The following POU2F1 variants were observed in gnomAD, a reference collection of about 807,000 sequenced individuals.
POU2F1 encodes the protein POU class 2 homeobox 1.
In POU2F1, 16 loss-of-function variants were observed where a neutral mutation model predicts 84.9. That is an observed-to-expected ratio of 0.19 (90% CI 0.13 to 0.29). POU2F1 has a LOEUF of 0.29. Among genes scored for constraint, POU2F1 ranks in the 10% least tolerant of loss-of-function variants. The pLI is 1.00. For missense variants in POU2F1, 738 were observed against 942.6 expected (o/e 0.78, Z 2.84); for synonymous variants, 368 against 368.3 (o/e 1.00, Z 0.01).
intron 13 of POU2F1, among the ~76,000 whole-genome samples, chr1:167,411,088 G>A (rs1649930649): frequency 6.7e-6 from 1 of 150,232 alleles, no homozygotes; most frequent in African/African-American, 2.5e-5. Flanking sequence ...TCGCCAGGCT[G>A]GAGTGCAGTG....
At chr1:167,396,147 TG>T in intron 9 of POU2F1, 138 bp from the exon 10 acceptor site, 1 of 969,300 alleles carries the variant, frequency 1.0e-6, no homozygotes, top group Non-Finnish European at 1.6e-6. Flanking sequence ...GGAGTTTATG[TG>T]GGACCCCGTA....
intron 1 of POU2F1, among the ~76,000 whole-genome samples, chr1:167,291,531 AT>A (rs764418811): frequency 7.9e-5 from 12 of 152,250 alleles, no homozygotes; most frequent in Middle Eastern, 3.4e-3. Flanking sequence ...TATTGGGATT[AT>A]TTTAGTACAA....
intron 1 of POU2F1, among the ~76,000 whole-genome samples, chr1:167,290,339 G>A (rs758265490): frequency 1.3e-5 from 2 of 152,206 alleles, no homozygotes; most frequent in African/African-American, 2.4e-5. Flanking sequence ...TGAGCCTGCA[G>A]TGGGCAGTGA....
intron 11 of POU2F1, among the ~76,000 whole-genome samples, chr1:167,398,597 G>A (rs1648975172): frequency 6.6e-6 from 1 of 152,194 alleles, no homozygotes; most frequent in African/African-American, 2.4e-5. Flanking sequence ...GAGACCTTGA[G>A]TGTTAGGCTA....
At chr1:167,242,609 A>G (rs1180591813) in intron 1 of POU2F1, among the ~76,000 whole-genome samples, 2 of 152,246 alleles carry the variant, frequency 1.3e-5, no homozygotes, top group East Asian at 1.9e-4. Context: ...GCTTTCTTCC[A>G]TGGCATAATT....
chr1:167,287,808 A>G (rs751931778), intron 1 of POU2F1, among the ~76,000 whole-genome samples: 1 of 152,230 alleles, frequency 6.6e-6, no homozygotes, highest in Non-Finnish European at 1.5e-5. Context: ...TGAAACTCCA[A>G]GCGAGATAGG....
chr1:167,387,102 C>A (rs764747721), intron 8 of POU2F1: 1 of 453,312 alleles, frequency 2.2e-6, no homozygotes, highest in Non-Finnish European at 4.4e-6. Flanking sequence ...TCCTGGCCTC[C>A]GTTCTCTGCA....
intron 9 of POU2F1, among the ~76,000 whole-genome samples, chr1:167,393,239 G>T (rs1305568986): frequency 2.0e-5 from 3 of 152,100 alleles, no homozygotes; most frequent in African/African-American, 7.2e-5. Flanking sequence ...TTGTGAGTTG[G>T]ATTATCACGA....
chr1:167,273,132 T>C (rs1652487994), intron 1 of POU2F1, among the ~76,000 whole-genome samples: 1 of 152,202 alleles, frequency 6.6e-6, no homozygotes, highest in African/African-American at 2.4e-5. Flanking sequence ...AAATAATCTT[T>C]GACTCTATGT....
intron 1 of POU2F1, among the ~76,000 whole-genome samples, chr1:167,228,852 A>T (rs1474021399): frequency 6.6e-6 from 1 of 152,194 alleles, no homozygotes; most frequent in African/African-American, 2.4e-5. Context: ...GCACAGTGAT[A>T]ATGTCTGTAT....
At chr1:167,340,747 G>T (rs1011368833) in intron 2 of POU2F1, among the ~76,000 whole-genome samples, 1 of 151,952 alleles carries the variant, frequency 6.6e-6, no homozygotes, top group Non-Finnish European at 1.5e-5. Context: ...TTTTGTCTCC[G>T]ATGCGCAAGA....
intron 3 of POU2F1, among the ~76,000 whole-genome samples, chr1:167,368,365 A>G (rs1557932277): frequency 6.6e-6 from 1 of 151,784 alleles, no homozygotes; most frequent in African/African-American, 2.4e-5. Flanking sequence ...GCCGTATCAT[A>G]TTGCTTTGTC....
intron 1 of POU2F1, among the ~76,000 whole-genome samples, chr1:167,322,747 A>G (rs115157846): frequency 2.8e-4 from 42 of 152,316 alleles, no homozygotes; most frequent in African/African-American, 9.6e-4. Context: ...AGCTTTACCC[A>G]CATATTTATT....
At chr1:167,375,721 A>G (rs536818960) in intron 6 of POU2F1, among the ~76,000 whole-genome samples, 1 of 152,356 alleles carries the variant, frequency 6.6e-6, no homozygotes, top group East Asian at 1.9e-4. Context: ...TTTAAAACCC[A>G]TATTGGTCTT....
chr1:167,373,956 TC>T, intron 5 of POU2F1, 151 bp from the exon 6 acceptor site: 1 of 676,354 alleles, frequency 1.5e-6, no homozygotes, highest in South Asian at 1.7e-5. Context: ...GGTAGTTTGA[TC>T]ACTGATGAAC....
chr1:167,410,483 G>A (rs763324291), intron 13 of POU2F1, among the ~76,000 whole-genome samples: 1 of 151,778 alleles, frequency 6.6e-6, no homozygotes, highest in Non-Finnish European at 1.5e-5. Flanking sequence ...TCTGAAGCTT[G>A]GTAAAAGATT....
intron 13 of POU2F1, among the ~76,000 whole-genome samples, chr1:167,404,131 A>G (rs756458607): frequency 4.6e-5 from 7 of 152,188 alleles, no homozygotes; most frequent in Middle Eastern, 3.4e-3. Flanking sequence ...GCCTTCAGCA[A>G]GCATTTTCAA....
chr1:167,372,172 T>A, intron 5 of POU2F1, 136 bp downstream of exon 5: 4 of 1,090,868 alleles, frequency 3.7e-6, no homozygotes, highest in Non-Finnish European at 5.2e-6. Flanking sequence ...TTAAGGAACT[T>A]CCTACACTGT....
rs1209086663 is a variant in POU2F1, at chr1:167,426,181, TCTAAC to T, written c.*10374_*10378del. On this transcript the variant is annotated 3_prime_UTR_variant, in exon 16 of 16. Transcript: ENST00000367866. ...TACGATTACCCAGCACTTGCATTAG[TCTAAC>T]CTCAGTAATTCCAAAGCTTAGATGT... 1 of 152,138 alleles carries T rather than the reference TCTAAC, an allele frequency of 6.6e-6. No homozygotes were observed. Among genetic ancestry groups the T allele is most frequent in the Admixed American group, 6.5e-5 (1 of 15,272 alleles). The allele number at this position is 152,138 out of a possible 1,614,324, so 9.4% of individuals were successfully genotyped here.
Sources: allele counts gnomAD v4.1 joint callset (sites outside exome capture counted in the v4.1 genomes callset), GRCh38; gene constraint gnomAD v4.1.1; transcripts MANE v1.5; gene names NCBI Gene and HGNC (gene_info 2026-07-23, HGNC 2026-07-21).